ADAMTS18: variants seen among roughly 807,000 people sequenced by gnomAD.
The protein encoded by ADAMTS18 is ADAM metallopeptidase with thrombospondin type 1 motif 18.
In ADAMTS18, 157 loss-of-function variants were observed where a neutral mutation model predicts 165.9. That is an observed-to-expected ratio of 0.95 (90% CI 0.83 to 1.08). The LOEUF is 1.08. ADAMTS18 is among the 50% of genes least tolerant of loss of function. The pLI is 0.00. For missense variants in ADAMTS18, 2,040 were observed against 1,534.0 expected (o/e 1.33, Z -5.51); for synonymous variants, 782 against 578.2 (o/e 1.35, Z -5.06).
At chr16:77,366,032 G>C (rs2056788513) in intron 4 of ADAMTS18, among the ~76,000 whole-genome samples, 1 of 152,088 alleles carries the variant, frequency 6.6e-6, no homozygotes, top group Non-Finnish European at 1.5e-5. Context: ...ATGCTAAATG[G>C]ATGCCCCTTA....
intron 22 of ADAMTS18, among the ~76,000 whole-genome samples, chr16:77,286,967 A>G (rs375338170): frequency 5.1e-4 from 78 of 152,302 alleles, no homozygotes; most frequent in African/African-American, 1.8e-3. Context: ...ACTGATGATG[A>G]TATACAATGA....
At chr16:77,346,707 G>A (rs1390890044) in intron 10 of ADAMTS18, among the ~76,000 whole-genome samples, 1 of 152,148 alleles carries the variant, frequency 6.6e-6, no homozygotes, top group Non-Finnish European at 1.5e-5. Flanking sequence ...GTATGCCTGA[G>A]TTTATTGCCC....
At chr16:77,388,568 G>C (rs2057141745) in intron 3 of ADAMTS18, among the ~76,000 whole-genome samples, 1 of 152,154 alleles carries the variant, frequency 6.6e-6, no homozygotes, top group African/African-American at 2.4e-5. Flanking sequence ...TTGTGCCTCA[G>C]TTTATTGAAC....
intron 3 of ADAMTS18, among the ~76,000 whole-genome samples, chr16:77,421,925 G>T (rs955230803): frequency 2.6e-5 from 4 of 152,006 alleles, no homozygotes; most frequent in African/African-American, 9.7e-5. Flanking sequence ...ACAAAAAATA[G>T]ATCTATGCAA....
At chr16:77,316,946 G>A (rs1038964023) in intron 16 of ADAMTS18, among the ~76,000 whole-genome samples, 2 of 151,738 alleles carry the variant, frequency 1.3e-5, no homozygotes, top group Non-Finnish European at 2.9e-5. Context: ...GGATTACAGG[G>A]GTGAGCCACC....
At chr16:77,357,799 A>G (rs1018503675) in intron 8 of ADAMTS18, among the ~76,000 whole-genome samples, 1 of 152,200 alleles carries the variant, frequency 6.6e-6, no homozygotes, top group Non-Finnish European at 1.5e-5. Flanking sequence ...GAACTTCTTA[A>G]GTCCATGTTA....
intron 12 of ADAMTS18, among the ~76,000 whole-genome samples, chr16:77,331,865 C>T (rs562250454): frequency 2.0e-4 from 30 of 152,306 alleles, no homozygotes; most frequent in African/African-American, 7.2e-4. Flanking sequence ...AAAGTGTCTC[C>T]AAACTCTGCT....
intron 16 of ADAMTS18, among the ~76,000 whole-genome samples, chr16:77,309,038 G>C (rs930660313): frequency 1.3e-5 from 2 of 152,086 alleles, no homozygotes; most frequent in Non-Finnish European, 2.9e-5. Flanking sequence ...TGACTAACAA[G>C]TACACTAGTT....
intron 3 of ADAMTS18, among the ~76,000 whole-genome samples, chr16:77,419,591 T>C (rs1318107083): frequency 6.6e-6 from 1 of 152,180 alleles, no homozygotes; most frequent in Non-Finnish European, 1.5e-5. Flanking sequence ...AAAATCTTCC[T>C]ATCTTAAAGT....
At chr16:77,333,860 A>G (rs1466388183) in intron 12 of ADAMTS18, among the ~76,000 whole-genome samples, 1 of 129,338 alleles carries the variant, frequency 7.7e-6, no homozygotes, top group Non-Finnish European at 1.6e-5. Context: ...GTATACTATT[A>G]TACTATATTA....
chr16:77,316,882 G>C (rs142685046), intron 16 of ADAMTS18, among the ~76,000 whole-genome samples: 1 of 152,072 alleles, frequency 6.6e-6, no homozygotes, highest in Non-Finnish European at 1.5e-5. Context: ...GGCCAGTCTG[G>C]TCTCATACTC....
At chr16:77,380,112 A>G (rs1365486495) in intron 3 of ADAMTS18, among the ~76,000 whole-genome samples, 1 of 152,164 alleles carries the variant, frequency 6.6e-6, no homozygotes, top group Non-Finnish European at 1.5e-5. Flanking sequence ...AGCTACTTCA[A>G]ATACTCCAAT....
chr16:77,414,822 C>T (rs1352569359), intron 3 of ADAMTS18, among the ~76,000 whole-genome samples: 1 of 152,192 alleles, frequency 6.6e-6, no homozygotes, highest in Non-Finnish European at 1.5e-5. Context: ...TACATCATTA[C>T]CCCACATGTC....
rs1385125839 is a variant in ADAMTS18 at position 77,353,782 on chromosome 16, T to C, written c.1565A>G (p.Lys522Arg). Reference sequence around the variant, plus strand: ...CTTGGCTTTTGCTCCAAATTGCCATTTACACTGTGTGTCAGCATCATAAAT... The same window carrying C: ...CTTGGCTTTTGCTCCAAATTGCCATCTACACTGTGTGTCAGCATCATAAAT... ...GQIYDADTQC[K>R]WQFGAKAKLC... Residue 522 changes from lysine to arginine, a missense_variant, in exon 10 of 23, where the codon AAA (lysine) becomes AGA (arginine). Physicochemically the swap from Lys to Arg is conservative, Grantham distance 26 (BLOSUM62 2). Coordinates refer to ENST00000282849, the MANE Select transcript of ADAMTS18 (RefSeq NM_199355.4). The C allele has an allele frequency of 6.2e-7, 1 of 1,614,166 alleles. No individual in the cohort carries two copies. The highest frequency in any genetic ancestry group is 8.5e-7 in the Non-Finnish European group (1 of 1,180,012).
At chr16:77,372,193 T>C (rs1260901658) in intron 3 of ADAMTS18, among the ~76,000 whole-genome samples, 2 of 152,190 alleles carry the variant, frequency 1.3e-5, no homozygotes, top group African/African-American at 4.8e-5. Flanking sequence ...ATAGCCATTA[T>C]GGAAAATGGT....
intron 3 of ADAMTS18, among the ~76,000 whole-genome samples, chr16:77,427,951 A>T (rs17714412): frequency 0.081 from 12,297 of 152,252 alleles, 524 homozygotes; most frequent in East Asian, 0.14. Flanking sequence ...TATTATAACC[A>T]TTCTACCATT....
Position 77,289,395 on chromosome 16 carries a change from C to A in ADAMTS18, c.3419G>T (p.Gly1140Val), listed in dbSNP as rs1567453873. 2 of 1,613,936 alleles carry A rather than the reference C, an allele frequency of 1.2e-6. No homozygotes were observed. Among genetic ancestry groups the A allele is most frequent in the Admixed American group, 3.3e-5 (2 of 59,984 alleles). The change falls in exon 22 of 23, where the codon GGG becomes GTG. Residue 1140 changes from glycine to valine, a missense_variant. Gly to Val is a moderately radical substitution (Grantham distance 109). Transcript: ENST00000282849. ...GACTGACCGGGTCTGGACCCCTCCC[C>A]CACAGGTGACTGTGCACTGCAGCAG... ...LPWQQCTVTC[G>V]GGVQTRSVHC...
At chr16:77,309,594 A>G (rs2055743485) in intron 16 of ADAMTS18, among the ~76,000 whole-genome samples, 1 of 152,226 alleles carries the variant, frequency 6.6e-6, no homozygotes, top group African/African-American at 2.4e-5. Flanking sequence ...TTTAGCTTAA[A>G]TTTTTAGCTT....
chr16:77,327,365 A>G lies in ADAMTS18; in HGVS notation c.1860-1327T>C, dbSNP rs183061822. 2.0e-4 allele frequency among the ~76,000 whole-genome samples: 30 copies of G among 152,228 alleles called. No individual in the cohort carries two copies. The East Asian group carries it at 4.6e-3, about 24-fold the overall frequency. ...CTTTCCCTTGAGTTCCCAAAGTCCAATGTATCATTCTTATGCCTTTGCATC... is the reference window on the plus strand; with the variant it reads ...CTTTCCCTTGAGTTCCCAAAGTCCAGTGTATCATTCTTATGCCTTTGCATC... On this transcript the variant is annotated intron_variant, in intron 12 of 22. Coordinates refer to ENST00000282849, the MANE Select transcript of ADAMTS18 (RefSeq NM_199355.4).
Sources: allele counts gnomAD v4.1 joint callset (sites outside exome capture counted in the v4.1 genomes callset), GRCh38; gene constraint gnomAD v4.1.1; transcripts MANE v1.5; gene names NCBI Gene and HGNC (gene_info 2026-07-23, HGNC 2026-07-21).